The following SUDS3 variants were observed in gnomAD, a reference collection of about 807,000 sequenced individuals.
SUDS3 encodes SIN3A corepressor complex component SDS3, also known as sin3 histone deacetylase corepressor complex component SDS3.
Under a neutral mutation model 53.5 loss-of-function variants are expected in SUDS3, and 23 were observed. The ratio of observed to expected loss-of-function variants is 0.43; its 90% confidence interval spans 0.31 to 0.61. The LOEUF is 0.61. SUDS3 is among the 20% of genes least tolerant of loss of function. SUDS3 has a pLI of 0.10. For missense variants in SUDS3, 291 were observed against 405.9 expected (o/e 0.72, Z 2.43); for synonymous variants, 150 against 148.5 (o/e 1.01, Z -0.08).
chr12:118,404,654 A>G (rs1355831124), intron 10 of SUDS3, among the ~76,000 whole-genome samples: 3 of 152,122 alleles, frequency 2.0e-5, no homozygotes, highest in Non-Finnish European at 2.9e-5. Flanking sequence ...GGCATAGTCT[A>G]TTCATTCTAA....
chr12:118,383,084 G>A (rs2065568108), intron 2 of SUDS3, among the ~76,000 whole-genome samples: 1 of 152,194 alleles, frequency 6.6e-6, no homozygotes, highest in South Asian at 2.1e-4. Context: ...ATGTGTGTGA[G>A]TCTCAAATTC....
chr12:118,386,108 A>C lies in SUDS3; in HGVS notation c.269-6A>C, dbSNP rs1299146751. 7 of 1,582,048 alleles carry C rather than the reference A, an allele frequency of 4.4e-6. No individual in the cohort carries two copies. In the South Asian group the frequency reaches 7.0e-5, roughly 16 times the overall value. ...ATAATTTTATTTTTCAAATGTTCAA[A>C]ATCAGGTACATTACAGGAATATCAG... On this transcript the variant is annotated splice_region_variant and splice_polypyrimidine_tract_variant and intron_variant, in intron 3 of 11. Transcript: ENST00000543473.
chr12:118,399,734 C>T (rs1031216966), intron 6 of SUDS3, among the ~76,000 whole-genome samples: 4 of 152,014 alleles, frequency 2.6e-5, no homozygotes, highest in South Asian at 4.2e-4. Flanking sequence ...GATTTGTTCT[C>T]GCATGGAAGG....
chr12:118,408,396 T>C (rs1593782517), intron 10 of SUDS3, among the ~76,000 whole-genome samples: 1 of 151,412 alleles, frequency 6.6e-6, no homozygotes, highest in Admixed American at 6.6e-5. Context: ...TGCAGTGGCA[T>C]GATCTCAGCC....
intron 7 of SUDS3, 42 bp from the exon 8 acceptor site, chr12:118,401,717 G>A (rs2141382263): frequency 6.5e-7 from 1 of 1,536,230 alleles, no homozygotes; most frequent in South Asian, 1.1e-5. Flanking sequence ...CTCTTTGCCT[G>A]GAAACTGTAC....
chr12:118,381,499 C>T (rs944361422), intron 2 of SUDS3, among the ~76,000 whole-genome samples: 35 of 152,238 alleles, frequency 2.3e-4, no homozygotes, highest in African/African-American at 8.2e-4. Flanking sequence ...TCTCCTGCCT[C>T]AGCCTCCCGA....
At chr12:118,411,048 A>G in intron 10 of SUDS3, 25 bp from the exon 11 acceptor site, 1 of 1,585,658 alleles carries the variant, frequency 6.3e-7, no homozygotes, top group East Asian at 2.3e-5. Context: ...TCCCTTTTTA[A>G]AAATGTGTGC....
In SUDS3 at chr12:118,416,076, T is replaced by G. The variant is rs543128279; in HGVS notation, c.*1643T>G. The G allele has an allele frequency of 6.6e-6, 1 of 152,322 alleles. No individual in the cohort carries two copies. The highest frequency in any genetic ancestry group is 1.5e-5 in the Non-Finnish European group (1 of 68,034). 9.4% of individuals were successfully genotyped at this position (152,322 alleles called of 1,614,324 possible). A position where few individuals can be genotyped will look rare whatever the true frequency, so the allele number is the denominator to read the frequency against. On this transcript the variant is annotated 3_prime_UTR_variant, in exon 12 of 12. Coordinates refer to ENST00000543473, the MANE Select transcript of SUDS3 (RefSeq NM_022491.3). The stretch of plus-strand genomic sequence containing the variant: ...TTACTACAGTGAACCCAGCCCATGG[T>G]AAACACAGGCTTCACCTGTTCTTGT...
chr12:118,408,737 C>T (rs903247963), intron 10 of SUDS3, among the ~76,000 whole-genome samples: 6 of 151,630 alleles, frequency 4.0e-5, no homozygotes, highest in Non-Finnish European at 8.8e-5. Context: ...TTTCCACACT[C>T]GTAATATTCT....
chr12:118,390,334 T>A (rs149189790), intron 5 of SUDS3, among the ~76,000 whole-genome samples: 3 of 152,210 alleles, frequency 2.0e-5, no homozygotes, highest in African/African-American at 7.2e-5. Context: ...AAAGACAGAT[T>A]TCTAATTTTT....
intron 4 of SUDS3, among the ~76,000 whole-genome samples, chr12:118,388,438 G>C (rs1451601223): frequency 3.9e-5 from 6 of 152,176 alleles, no homozygotes; most frequent in Admixed American, 1.3e-4. Flanking sequence ...ACAGCCCCCT[G>C]TCACCCAGGA....
intron 4 of SUDS3, among the ~76,000 whole-genome samples, chr12:118,388,975 C>A (rs575303740): frequency 6.6e-6 from 1 of 152,284 alleles, no homozygotes. Flanking sequence ...ATGGTGAAAC[C>A]CCGTCTCTAC....
chr12:118,407,720 G>GTTT (rs398055978), intron 10 of SUDS3, among the ~76,000 whole-genome samples: 2 of 137,114 alleles, frequency 1.5e-5, no homozygotes, highest in African/African-American at 2.7e-5. Context: ...GTTATTTTTG[G>GTTT]TTTTTTTTTT....
chr12:118,385,919 G>T (rs1048063031), intron 3 of SUDS3, among the ~76,000 whole-genome samples, 195 bp from the exon 4 acceptor site: 1 of 152,158 alleles, frequency 6.6e-6, no homozygotes, highest in African/African-American at 2.4e-5. Context: ...CACTGGGTTG[G>T]GTAGACTTTG....
At chr12:118,408,963 CA>C (rs1433195748) in intron 10 of SUDS3, among the ~76,000 whole-genome samples, 1 of 152,002 alleles carries the variant, frequency 6.6e-6, no homozygotes, top group Non-Finnish European at 1.5e-5. Context: ...GAGAGAGAAA[CA>C]AGGGGAAGTG....
At chr12:118,399,931 C>T (rs2046248810) in intron 6 of SUDS3, among the ~76,000 whole-genome samples, 1 of 152,020 alleles carries the variant, frequency 6.6e-6, no homozygotes, top group African/African-American at 2.4e-5. Context: ...AAGGAACTGA[C>T]TGGACCCCAA....
At chr12:118,383,570 A>C (rs796989309) in intron 2 of SUDS3, among the ~76,000 whole-genome samples, 10 of 152,368 alleles carry the variant, frequency 6.6e-5, no homozygotes, top group African/African-American at 2.4e-4. Context: ...TAGTTCTTAC[A>C]CTGCTAAGCA....
At chr12:118,376,859 C>T (rs1428678538) in intron 1 of SUDS3, 26 bp downstream of exon 1, 39 of 1,510,464 alleles carry the variant, frequency 2.6e-5, no homozygotes, top group Non-Finnish European at 3.3e-5. Context: ...CGCCCGGCCG[C>T]CCGGAGCGGA....
At chr12:118,381,342 T>G (rs2046057127) in intron 2 of SUDS3, among the ~76,000 whole-genome samples, 1 of 151,084 alleles carries the variant, frequency 6.6e-6, no homozygotes, top group Admixed American at 6.6e-5. Context: ...GTAGCTGGGA[T>G]TATAGACATG....
Sources: gnomAD v4.1 joint callset for allele counts (sites outside exome capture counted in the v4.1 genomes callset) on GRCh38, gnomAD v4.1.1 for gene constraint, MANE v1.5 for transcripts, NCBI Gene and HGNC (gene_info 2026-07-23, HGNC 2026-07-21) for gene names.